The following PDE4B variants were observed in gnomAD, a reference collection of about 807,000 sequenced individuals.
The protein encoded by PDE4B is phosphodiesterase 4B.
A neutral mutation model predicts 82.2 loss-of-function variants in PDE4B; 20 were observed. The observed-to-expected ratio is 0.24, with a 90% CI of 0.17 to 0.35. The LOEUF (loss-of-function observed/expected upper bound fraction) is 0.35. Ranked by LOEUF, PDE4B falls within the 10% of genes least tolerant of loss-of-function variation. The pLI is 1.00. For synonymous variants in PDE4B, 320 were observed against 318.9 expected, an observed-to-expected ratio of 1.00 and a Z score of -0.04; for missense variants, 655 against 907.2, an observed-to-expected ratio of 0.72 and a Z score of 3.57.
rs540340899 is a variant in PDE4B, at chr1:66,284,280, A to G, written c.634+18193A>G. 2.6e-5 allele frequency among the ~76,000 whole-genome samples: 4 copies of G among 152,302 alleles called. No individual in the cohort carries two copies. In the South Asian group the frequency reaches 8.3e-4, roughly 32 times the overall value. ...AATTAGTATTTCCCATAGCTCGGTC[A>G]TTCATTATACGCCAAGTGTTCAGCC... On this transcript the variant is annotated intron_variant, in intron 7 of 16. Coordinates refer to ENST00000341517, the MANE Select transcript of PDE4B (RefSeq NM_002600.4).
At chr1:66,091,506 T>G (rs1052512824) in intron 3 of PDE4B, among the ~76,000 whole-genome samples, 2 of 152,130 alleles carry the variant, frequency 1.3e-5, no homozygotes, top group African/African-American at 4.8e-5. Flanking sequence ...ACATGGTTAT[T>G]TGATTTCTTT....
chr1:65,930,554 G>A (rs1647776239), intron 3 of PDE4B, among the ~76,000 whole-genome samples: 1 of 152,226 alleles, frequency 6.6e-6, no homozygotes, highest in South Asian at 2.1e-4. Context: ...TTACATCAGT[G>A]TGCCCTGGAT....
At chr1:66,360,632 G>A (rs1439804109) in intron 9 of PDE4B, 4 of 152,140 alleles carry the variant, frequency 2.6e-5, no homozygotes, top group Non-Finnish European at 5.9e-5. Flanking sequence ...TTTAATAATT[G>A]CCTCTGTGCA....
chr1:65,914,454 A>ACTTCTT (rs57338201), intron 2 of PDE4B, among the ~76,000 whole-genome samples: 12 of 145,382 alleles, frequency 8.3e-5, no homozygotes, highest in South Asian at 2.2e-4. Context: ...GGCAGCATTT[A>ACTTCTT]CTTCTTCTTC....
At chr1:66,124,847 C>T (rs1460793839) in intron 3 of PDE4B, among the ~76,000 whole-genome samples, 1 of 151,974 alleles carries the variant, frequency 6.6e-6, no homozygotes, top group Non-Finnish European at 1.5e-5. Context: ...TCCCACATCC[C>T]AAAGATATGC....
intron 3 of PDE4B, among the ~76,000 whole-genome samples, chr1:66,099,766 C>A (rs908221437): frequency 6.6e-6 from 1 of 151,888 alleles, no homozygotes; most frequent in African/African-American, 2.4e-5. Context: ...TTGAGGTGGG[C>A]GCCAAAAAAT....
chr1:66,119,148 T>C (rs114440170), intron 3 of PDE4B, among the ~76,000 whole-genome samples: 314 of 152,360 alleles, frequency 2.1e-3, no homozygotes, highest in African/African-American at 7.3e-3. Flanking sequence ...AGCTGGGCCA[T>C]GTGGCCTAGT....
intron 3 of PDE4B, among the ~76,000 whole-genome samples, chr1:66,238,110 A>G (rs762831003): frequency 7.9e-5 from 12 of 152,228 alleles, no homozygotes; most frequent in Non-Finnish European, 1.3e-4. Context: ...TCCAGAGAGT[A>G]GAGGAGAAAA....
At chr1:66,330,675 G>T in intron 7 of PDE4B, 1 of 618,104 alleles carries the variant, frequency 1.6e-6, no homozygotes, top group Non-Finnish European at 2.0e-6. Flanking sequence ...CAGGGAATGA[G>T]AATGGGAGGG....
rs550918117 is a variant in PDE4B, at chr1:65,847,186, A to G, written c.-71+53938A>G. Among the ~76,000 whole-genome samples the G allele has an allele frequency of 1.2e-3, 184 of 152,378 alleles. 2 individuals carry two copies. The highest frequency in any genetic ancestry group is 7.2e-3 in the Admixed American group (110 of 15,300). On this transcript the variant is annotated intron_variant, in intron 1 of 16. Coordinates refer to ENST00000341517, the MANE Select transcript of PDE4B (RefSeq NM_002600.4). ...ATAATAACAACAATATATAACATGT[A>G]TTGAGCTCTTACTATATGTCTTCCA...
At chr1:65,841,755 T>G (rs868044480) in intron 1 of PDE4B, among the ~76,000 whole-genome samples, 1 of 152,152 alleles carries the variant, frequency 6.6e-6, no homozygotes, top group African/African-American at 2.4e-5. Flanking sequence ...GAAAAATAGT[T>G]TTTAGTGTAA....
At chr1:66,246,810 C>T (rs191355832) in intron 3 of PDE4B, among the ~76,000 whole-genome samples, 1 of 152,320 alleles carries the variant, frequency 6.6e-6, no homozygotes, top group East Asian at 1.9e-4. Context: ...AGAGACAAAG[C>T]TCTGCAGCCT....
chr1:66,131,638 T>TATATATATATATATATA lies in PDE4B; in HGVS notation c.282-115822_282-115821insATATATATATATATATA, dbSNP rs1553149837. Among the ~76,000 whole-genome samples, 56 of 120,248 alleles carry TATATATATATATATATA rather than the reference T, an allele frequency of 4.7e-4. 1 individual carries two copies. The highest frequency in any genetic ancestry group is 7.5e-4 in the Non-Finnish European group (43 of 57,620). 78.9% of individuals were successfully genotyped at this position (120,248 alleles called of 152,430 possible). ...ATATATATATATATATATATATATA[T>TATATATATATATATATA]TACTAACCAGGGAAAGGATGATGAT... On this transcript the variant is annotated intron_variant, in intron 3 of 16. Transcript: ENST00000341517.
At chr1:66,250,029 T>G (rs1352185698) in intron 4 of PDE4B, among the ~76,000 whole-genome samples, 1 of 152,242 alleles carries the variant, frequency 6.6e-6, no homozygotes, top group Non-Finnish European at 1.5e-5. Context: ...AAGTAGAGTT[T>G]GAATAATATT....
chr1:66,210,595 CAA>C (rs35825766), intron 3 of PDE4B, among the ~76,000 whole-genome samples: 485 of 45,708 alleles, frequency 0.011, no homozygotes, highest in Middle Eastern at 0.026. Context: ...GACTCCATCT[CAA>C]AAAAAAAAAA....
chr1:66,181,588 C>T (rs144578915), intron 3 of PDE4B, among the ~76,000 whole-genome samples: 2 of 152,292 alleles, frequency 1.3e-5, no homozygotes, highest in East Asian at 3.9e-4. Context: ...GGTTGACTTT[C>T]TACATTGAAT....
intron 3 of PDE4B, among the ~76,000 whole-genome samples, chr1:66,181,967 A>G (rs1647074285): frequency 6.6e-6 from 1 of 152,120 alleles, no homozygotes; most frequent in East Asian, 1.9e-4. Flanking sequence ...TTTACTTTAA[A>G]TAATTATATT....
chr1:65,924,161 G>A (rs139197226), intron 3 of PDE4B, among the ~76,000 whole-genome samples: 19 of 120,288 alleles, frequency 1.6e-4, no homozygotes, highest in Non-Finnish European at 1.5e-4. Flanking sequence ...TGCAAGCTCC[G>A]CCTCCCGGGT....
At chr1:66,163,454 CTT>C (rs907484281) in intron 3 of PDE4B, among the ~76,000 whole-genome samples, 12 of 151,894 alleles carry the variant, frequency 7.9e-5, no homozygotes, top group African/African-American at 1.5e-4. Flanking sequence ...CTATTAATCT[CTT>C]ATAATTATTT....
Sources: gnomAD v4.1 joint callset for allele counts (sites outside exome capture counted in the v4.1 genomes callset) on GRCh38, gnomAD v4.1.1 for gene constraint, MANE v1.5 for transcripts, NCBI Gene and HGNC (gene_info 2026-07-23, HGNC 2026-07-21) for gene names.